The following TRAF3IP1 variants were observed in gnomAD, a reference collection of about 807,000 sequenced individuals.
TRAF3IP1 encodes the protein TRAF3-interacting protein 1.
Under a neutral mutation model 89.9 loss-of-function variants are expected in TRAF3IP1, and 53 were observed. The observed-to-expected ratio is 0.59, with a 90% confidence interval of 0.47 to 0.74. The LOEUF (loss-of-function observed/expected upper bound fraction) is 0.74. Ranked by LOEUF, TRAF3IP1 falls within the 30% of genes least tolerant of loss-of-function variation. TRAF3IP1 has a pLI of 0.00. For synonymous variants in TRAF3IP1, 311 were observed against 322.1 expected (o/e 0.97, Z 0.37); for missense variants, 806 against 866.1 (o/e 0.93, Z 0.87).
chr2:238,328,816 A>G lies in TRAF3IP1; in HGVS notation c.485A>G (p.His162Arg), dbSNP rs1157441339. The change falls in exon 4 of 17, where the codon CAC (histidine) becomes CGC (arginine). Residue 162 changes from histidine to arginine, a missense_variant. Physicochemically the swap from His to Arg is conservative, Grantham distance 29. Around this residue, in one of 3 missense-constraint regions of TRAF3IP1, gnomAD observed 732 missense variants for 780.5 expected, o/e 0.94. Transcript: ENST00000373327. Reference sequence around the variant, plus strand: ...GTGCGAGAAGAAGAGTCCAGAGTTCACAAAAATACAGAGGTGAATTCCAAG... The same window carrying G: ...GTGCGAGAAGAAGAGTCCAGAGTTCGCAAAAATACAGAGGTGAATTCCAAG... ...KNVREEESRV[H>R]KNTEDRGDAE... is the part of the protein sequence containing the mutation. 1.3e-5 allele frequency: 21 copies of G among 1,612,680 alleles called. No homozygotes were observed. The highest frequency in any genetic ancestry group is 1.8e-5 in the Non-Finnish European group (21 of 1,179,518).
rs768956924 is a variant in TRAF3IP1, at chr2:238,399,831, G to C, written c.*912G>C. On this transcript the variant is annotated 3_prime_UTR_variant, in exon 17 of 17. Coordinates refer to ENST00000373327, the MANE Select transcript of TRAF3IP1 (RefSeq NM_015650.4). ...TTAAAAGGATGCACTGATTTACGAC[G>C]TTTTTTGATGTTAGCCATTTTTTTG... The C allele has an allele frequency of 1.3e-5, 2 of 151,984 alleles. No homozygotes were observed. Among genetic ancestry groups the C allele is most frequent in the African/African-American group, 4.8e-5 (2 of 41,374 alleles). 9.4% of individuals were successfully genotyped at this position (151,984 alleles called of 1,614,324 possible).
intron 15 of TRAF3IP1, among the ~76,000 whole-genome samples, chr2:238,365,390 G>A (rs1434600414): frequency 3.3e-5 from 5 of 152,222 alleles, no homozygotes; most frequent in East Asian, 1.9e-4. Context: ...GGCCAGGCGC[G>A]GTGGCCAACG....
intron 15 of TRAF3IP1, among the ~76,000 whole-genome samples, chr2:238,357,634 A>G (rs570962807): frequency 1.3e-5 from 2 of 152,202 alleles, no homozygotes; most frequent in Non-Finnish European, 2.9e-5. Flanking sequence ...CTGAAAGGAG[A>G]AATGCCTTCT....
intron 15 of TRAF3IP1, among the ~76,000 whole-genome samples, chr2:238,362,463 C>A (rs576597611): frequency 6.6e-6 from 1 of 152,142 alleles, no homozygotes; most frequent in Non-Finnish European, 1.5e-5. Context: ...GTGACCCTGA[C>A]GCCTTCTGCC....
intron 15 of TRAF3IP1, among the ~76,000 whole-genome samples, chr2:238,370,441 A>G (rs1008477625): frequency 2.0e-5 from 3 of 152,068 alleles, no homozygotes; most frequent in Non-Finnish European, 2.9e-5. Context: ...GTGTATGTGC[A>G]TGTCTGTGTA....
chr2:238,346,123 C>T (rs1048216653), intron 9 of TRAF3IP1, among the ~76,000 whole-genome samples: 15 of 152,108 alleles, frequency 9.9e-5, no homozygotes, highest in Non-Finnish European at 2.9e-5. Context: ...GCCCCCAGGT[C>T]GCACGAGGAC....
intron 8 of TRAF3IP1, among the ~76,000 whole-genome samples, chr2:238,340,848 GAGAGAGAGAGAC>G (rs1559364030): frequency 7.1e-5 from 3 of 42,366 alleles, no homozygotes; most frequent in Non-Finnish European, 1.2e-4. Flanking sequence ...TATATATATA[GAGAGAGAGAGAC>G]AGAGAGACAG....
rs150033164 is a variant in TRAF3IP1, at chr2:238,356,069, C to T, written c.1678C>T (p.Pro560Ser). 1.9e-6 allele frequency: 3 copies of T among 1,613,192 alleles called. No homozygotes were observed. The highest frequency in any genetic ancestry group is 2.5e-6 in the Non-Finnish European group (3 of 1,179,372). The change falls in exon 15 of 17, where the codon CCT becomes TCT. Residue 560 changes from proline (P) to serine (S), a missense_variant. This residue lies in a region of TRAF3IP1 where 732 missense variants were observed against 780.5 expected (regional missense o/e 0.94). Transcript: ENST00000373327. Reference protein sequence around the residue: ...DYEKLQQSPKPGEKERSLFES... With the variant: ...DYEKLQQSPKSGEKERSLFES... ...TGAGAAATTGCAGCAGTCACCCAAA[C>T]CTGGGGAGAAGGTAATGGAATGATT...
chr2:238,337,375 G>A (rs1574906991), intron 7 of TRAF3IP1, among the ~76,000 whole-genome samples: 1 of 152,196 alleles, frequency 6.6e-6, no homozygotes, highest in African/African-American at 2.4e-5. Context: ...ACAGTGATAG[G>A]GGAAAGGGCC....
At chr2:238,380,016 A>G (rs1213141798) in intron 15 of TRAF3IP1, among the ~76,000 whole-genome samples, 1 of 152,212 alleles carries the variant, frequency 6.6e-6, no homozygotes, top group African/African-American at 2.4e-5. Flanking sequence ...TGCCTATGAG[A>G]TGGAAAGGGA....
intron 3 of TRAF3IP1, among the ~76,000 whole-genome samples, chr2:238,326,719 C>A (rs549698056): frequency 2.7e-4 from 41 of 152,154 alleles, no homozygotes; most frequent in Non-Finnish European, 4.6e-4. Flanking sequence ...TTTTCACATA[C>A]CTAGTGGGTG....
At position 238,344,592 on chromosome 2, in the gene TRAF3IP1, C is replaced by A. The variant is rs1698806709; in HGVS notation, c.1255C>A (p.Gln419Lys). The A allele has an allele frequency of 1.2e-6, 2 of 1,613,902 alleles. No individual in the cohort carries two copies. The highest frequency in any genetic ancestry group is 1.7e-6 in the Non-Finnish European group (2 of 1,179,770). Residue 419 changes from glutamine to lysine, a missense_variant, in exon 9 of 17, where the codon CAG becomes AAG. Gln to Lys is a moderately conservative substitution (Grantham distance 53, BLOSUM62 1). Around this residue, in one of 3 missense-constraint regions of TRAF3IP1, gnomAD observed 732 missense variants for 780.5 expected, o/e 0.94. Coordinates refer to ENST00000373327, the MANE Select transcript of TRAF3IP1 (RefSeq NM_015650.4). Reference protein sequence around the residue: ...ENIQPNPTEKQKGDSTSDAEG... With the variant: ...ENIQPNPTEKKKGDSTSDAEG... ...TATTCAGCCCAACCCCACAGAGAAG[C>A]AGAAAGGTAAGAATGGTCCAGTTTC...
rs552006346 is a variant in TRAF3IP1 at position 238,366,193 on chromosome 2, G to A, written c.1689+10113G>A. ...CTTGCAGTGAGCAGAGATCGCGCGC[G>A]CCACTGCACTCCAGCCTGGGCGACA... On this transcript the variant is annotated intron_variant, in intron 15 of 16. Coordinates refer to ENST00000373327, the MANE Select transcript of TRAF3IP1 (RefSeq NM_015650.4). 6.3e-4 allele frequency among the ~76,000 whole-genome samples: 96 copies of A among 152,156 alleles called. 1 individual carries two copies. In the South Asian group the frequency reaches 0.02, roughly 31 times the overall value.
intron 8 of TRAF3IP1, among the ~76,000 whole-genome samples, chr2:238,342,403 G>A (rs1052835109): frequency 6.6e-6 from 1 of 151,980 alleles, no homozygotes; most frequent in Non-Finnish European, 1.5e-5. Flanking sequence ...TAATTAGTGA[G>A]CTATAGTCTG....
At chr2:238,325,195 A>T in intron 1 of TRAF3IP1, 111 bp from the exon 2 acceptor site, 1 of 1,060,964 alleles carries the variant, frequency 9.4e-7, no homozygotes, top group South Asian at 1.3e-5. Context: ...GATGATTCAA[A>T]TCTGGGCTGC....
At chr2:238,358,025 A>G (rs1296694393) in intron 15 of TRAF3IP1, among the ~76,000 whole-genome samples, 1 of 152,152 alleles carries the variant, frequency 6.6e-6, no homozygotes, top group African/African-American at 2.4e-5. Context: ...GGGGAAAATC[A>G]GCAAGTGTCT....
intron 15 of TRAF3IP1, among the ~76,000 whole-genome samples, chr2:238,364,572 A>C (rs1699795955): frequency 6.6e-6 from 1 of 151,974 alleles, no homozygotes; most frequent in South Asian, 2.1e-4. Context: ...GTATTTAAAT[A>C]TTTCTCACTC....
intron 15 of TRAF3IP1, among the ~76,000 whole-genome samples, chr2:238,358,315 TTG>T (rs1699511979): frequency 6.6e-6 from 1 of 152,180 alleles, no homozygotes; most frequent in African/African-American, 2.4e-5. Context: ...GGTGGGCGGA[TTG>T]CTTGAGGCTA....
chr2:238,357,190 G>A lies in TRAF3IP1; in HGVS notation c.1689+1110G>A, dbSNP rs542193872. 1.2e-4 allele frequency among the ~76,000 whole-genome samples: 18 copies of A among 152,304 alleles called. No homozygotes were observed. In the South Asian group the frequency reaches 3.5e-3, roughly 30 times the overall value. On this transcript the variant is annotated intron_variant, in intron 15 of 16. Transcript: ENST00000373327. Reference sequence around the variant, plus strand: ...TGTTGGGACCTGTGGCCTCTTGCCAGCCACTACCCTTTCCTTGGGCACATG... The same window carrying A: ...TGTTGGGACCTGTGGCCTCTTGCCAACCACTACCCTTTCCTTGGGCACATG...
Sources: allele counts gnomAD v4.1 joint callset (sites outside exome capture counted in the v4.1 genomes callset), GRCh38; gene constraint gnomAD v4.1.1; regional missense constraint gnomAD v4.1.1; transcripts MANE v1.5; gene names NCBI Gene and HGNC (gene_info 2026-07-23, HGNC 2026-07-21).